ENTPD1: variants seen among roughly 807,000 people sequenced by gnomAD.
ENTPD1 encodes the protein ectonucleoside triphosphate diphosphohydrolase 1.
A neutral mutation model predicts 57.0 loss-of-function variants in ENTPD1; 33 were observed. The ratio of observed to expected loss-of-function variants is 0.58; its 90% CI spans 0.44 to 0.77. ENTPD1 has a LOEUF of 0.77. Among genes scored for constraint, ENTPD1 ranks in the 30% least tolerant of loss-of-function variants. ENTPD1 has a pLI of 0.00. For missense variants in ENTPD1, 501 were observed against 603.4 expected (o/e 0.83, Z 1.78); for synonymous variants, 202 against 218.8 (o/e 0.92, Z 0.68).
At position 95,849,293 on chromosome 10, in the gene ENTPD1, A is replaced by G. The variant is rs2098440903; in HGVS notation, c.1074+1587A>G. 2.0e-5 allele frequency among the ~76,000 whole-genome samples: 3 copies of G among 152,190 alleles called. No individual in the cohort carries two copies. The South Asian group carries it at 6.2e-4, about 32-fold the overall frequency. ...TTAGTAGCATATTGAAAAATTAGCT[A>G]CCATCTGTCAAATGCCAATTATTGA... On this transcript the variant is annotated intron_variant, in intron 7 of 9. Coordinates refer to ENST00000371205, the MANE Select transcript of ENTPD1 (RefSeq NM_001776.6).
intron 1 of ENTPD1, among the ~76,000 whole-genome samples, chr10:95,740,666 A>G (rs2139874308): frequency 6.6e-6 from 1 of 152,338 alleles, no homozygotes; most frequent in South Asian, 2.1e-4. Context: ...TATTTCATCT[A>G]CATTGAAAAT....
intron 1 of ENTPD1, among the ~76,000 whole-genome samples, chr10:95,807,823 G>T (rs560280189): frequency 1.3e-5 from 2 of 152,320 alleles, no homozygotes; most frequent in African/African-American, 4.8e-5. Context: ...TTGGGGCTGA[G>T]ACCATGGGGT....
At chr10:95,824,756 C>T (rs953926695) in intron 2 of ENTPD1, among the ~76,000 whole-genome samples, 6 of 152,188 alleles carry the variant, frequency 3.9e-5, no homozygotes, top group South Asian at 4.1e-4. Flanking sequence ...TGGTCATGGA[C>T]GACCTTCCCT....
rs11312564 is a variant in ENTPD1, at chr10:95,869,241, C to CTTTTTTTTTTTTTTTT, written c.*2869_*2884dup. On this transcript the variant is annotated 3_prime_UTR_variant, in exon 10 of 10. Transcript: ENST00000371205. The stretch of plus-strand genomic sequence containing the variant: ...GAAAAAAGATCAGCAGAAGTCATTA[C>CTTTTTTTTTTTTTTTT]TTTTTTTTTTTTTTTTTTTTTTTTT... 8 of 629,798 alleles carry CTTTTTTTTTTTTTTTT rather than the reference C, an allele frequency of 1.3e-5. 2 individuals carry two copies. Among genetic ancestry groups the CTTTTTTTTTTTTTTTT allele is most frequent in the African/African-American group, 6.7e-5 (2 of 29,872 alleles). 39.0% of individuals were successfully genotyped at this position (629,798 alleles called of 1,614,324 possible). A position where few individuals can be genotyped will look rare whatever the true frequency, so the allele number is the denominator to read the frequency against.
At chr10:95,746,089 C>T (rs1037525541) in intron 1 of ENTPD1, among the ~76,000 whole-genome samples, 1 of 152,176 alleles carries the variant, frequency 6.6e-6, no homozygotes, top group East Asian at 1.9e-4. Flanking sequence ...CTTTGACTCT[C>T]ATTTCCTTCA....
At chr10:95,709,095 A>G (rs1310883639), upstream of ENTPD1, among the ~76,000 whole-genome samples, 1 of 152,208 alleles carries the variant, frequency 6.6e-6, no homozygotes, top group Admixed American at 6.5e-5. Context: ...ACCTTCAGGT[A>G]GATGCATGAA....
At chr10:95,783,018 G>A in intron 1 of ENTPD1, among the ~76,000 whole-genome samples, 1 of 152,020 alleles carries the variant, frequency 6.6e-6, no homozygotes, top group East Asian at 1.9e-4. Context: ...TAAAATGGAA[G>A]CGGTGTGTGT....
intron 1 of ENTPD1, among the ~76,000 whole-genome samples, chr10:95,736,595 A>G (rs1171848223): frequency 6.6e-6 from 1 of 152,102 alleles, no homozygotes; most frequent in Non-Finnish European, 1.5e-5. Context: ...GTTAAAATGT[A>G]GCAATGATGG....
chr10:95,758,002 CAAAAAAAA>C (rs57407553), intron 1 of ENTPD1, among the ~76,000 whole-genome samples: 39 of 26,414 alleles, frequency 1.5e-3, no homozygotes, highest in Admixed American at 3.0e-3. Context: ...GACACTGTCT[CAAAAAAAA>C]AAAAAAAAAA....
chr10:95,792,584 C>T (rs530905843), intron 1 of ENTPD1, among the ~76,000 whole-genome samples: 1 of 152,258 alleles, frequency 6.6e-6, no homozygotes, highest in East Asian at 1.9e-4. Context: ...TGCATGATTG[C>T]CAGTTGAAGA....
At chr10:95,822,788 G>T (rs1334031145) in intron 1 of ENTPD1, among the ~76,000 whole-genome samples, 1 of 152,210 alleles carries the variant, frequency 6.6e-6, no homozygotes, top group Non-Finnish European at 1.5e-5. Context: ...GTCAAGCCAG[G>T]AAATGTCATG....
rs2098437568 is a variant in ENTPD1, at chr10:95,847,281, A to G, written c.814-165A>G. On this transcript the variant is annotated intron_variant, in intron 6 of 9. Transcript: ENST00000371205. The stretch of plus-strand genomic sequence containing the variant: ...CTTCTGGTGCCTGTTACACAAATCC[A>G]TTTTTCATATTTATTCCTAAGGGTA... The G allele has an allele frequency of 5.2e-6, 4 of 776,092 alleles. No individual in the cohort carries two copies. The Admixed American group carries it at 6.4e-5, about 12-fold the overall frequency. The allele number at this position is 776,092 out of a possible 1,614,324, so 48.1% of individuals were successfully genotyped here.
Position 95,869,596 on chromosome 10 carries a change from G to A in ENTPD1, c.*3213G>A. 1.0e-6 allele frequency: 1 copy of A among 985,114 alleles called. No homozygotes were observed. The highest frequency in any genetic ancestry group is 1.2e-6 in the Non-Finnish European group (1 of 829,866). 61.0% of individuals were successfully genotyped at this position (985,114 alleles called of 1,614,324 possible). A position where few individuals can be genotyped will look rare whatever the true frequency, so the allele number is the denominator to read the frequency against. On this transcript the variant is annotated 3_prime_UTR_variant, in exon 10 of 10. Coordinates refer to ENST00000371205, the MANE Select transcript of ENTPD1 (RefSeq NM_001776.6). The stretch of plus-strand genomic sequence containing the variant: ...CAAAAGAATAATGCTACTTAATCAG[G>A]CTTTCTGTGTGACAAGAAAGAGAAA...
In ENTPD1 at chr10:95,805,605, G is replaced by A. The variant is rs528248998; in HGVS notation, c.17-17632G>A. The stretch of plus-strand genomic sequence containing the variant: ...TCGTATCGATGGTCTTTACAATTTG[G>A]CATGTTTTTGCAGTGGCTGGTACTG... On this transcript the variant is annotated intron_variant, in intron 1 of 9. Coordinates refer to ENST00000371205, the MANE Select transcript of ENTPD1 (RefSeq NM_001776.6). 9.5e-4 allele frequency among the ~76,000 whole-genome samples: 144 copies of A among 152,272 alleles called. 1 individual carries two copies. The highest frequency in any genetic ancestry group is 3.3e-3 in the African/African-American group (136 of 41,548).
At chr10:95,848,578 G>A (rs1329204924) in intron 7 of ENTPD1, among the ~76,000 whole-genome samples, 1 of 152,030 alleles carries the variant, frequency 6.6e-6, no homozygotes, top group Non-Finnish European at 1.5e-5. Flanking sequence ...GTGGTTGGGG[G>A]GCATGAAGCC....
chr10:95,803,260 G>A (rs763366173), intron 1 of ENTPD1, among the ~76,000 whole-genome samples: 3 of 152,150 alleles, frequency 2.0e-5, no homozygotes, highest in Non-Finnish European at 2.9e-5. Context: ...GGTATTTCTA[G>A]TTCTAGATCC....
intron 1 of ENTPD1, among the ~76,000 whole-genome samples, chr10:95,779,040 T>C (rs2098145624): frequency 6.6e-6 from 1 of 152,212 alleles, no homozygotes; most frequent in Non-Finnish European, 1.5e-5. Flanking sequence ...TTAATCTAGC[T>C]GGATTCTCTG....
chr10:95,806,958 T>G (rs1314156064), intron 1 of ENTPD1, among the ~76,000 whole-genome samples: 3 of 152,192 alleles, frequency 2.0e-5, no homozygotes, highest in African/African-American at 7.2e-5. Context: ...TTAGGCTACA[T>G]GGGGGTCAGG....
intron 1 of ENTPD1, among the ~76,000 whole-genome samples, chr10:95,775,996 A>G (rs1176889811): frequency 1.3e-5 from 2 of 151,996 alleles, no homozygotes; most frequent in Non-Finnish European, 2.9e-5. Flanking sequence ...TGCTTGTTAG[A>G]TCTTCCTCCA....
Sources: allele counts gnomAD v4.1 joint callset (sites outside exome capture counted in the v4.1 genomes callset), GRCh38; gene constraint gnomAD v4.1.1; transcripts MANE v1.5; gene names NCBI Gene and HGNC (gene_info 2026-07-23, HGNC 2026-07-21).